Variants in MCF2L2 observed in about 807,000 individuals in gnomAD.
The protein encoded by MCF2L2 is probable guanine nucleotide exchange factor MCF2L2.
Under a neutral mutation model 150.2 loss-of-function variants are expected in MCF2L2, and 102 were observed. The observed-to-expected ratio is 0.68, with a 90% CI of 0.58 to 0.80. MCF2L2 has a LOEUF of 0.80. Ranked by LOEUF, MCF2L2 falls within the 30% of genes least tolerant of loss-of-function variation. The probability of loss-of-function intolerance (pLI) is 0.00; values close to 1 mark genes in which losing one functional copy is unlikely to be tolerated. For synonymous variants in MCF2L2, 465 were observed against 491.3 expected, an observed-to-expected ratio of 0.95 and a Z score of 0.71; for missense variants, 1,256 against 1,372.8, an observed-to-expected ratio of 0.91 and a Z score of 1.34.
intron 14 of MCF2L2, among the ~76,000 whole-genome samples, chr3:183,282,860 G>T (rs945415894): frequency 6.6e-6 from 1 of 152,196 alleles, no homozygotes; most frequent in African/African-American, 2.4e-5. Flanking sequence ...GTTGACTATC[G>T]TAGCATCAAT....
At chr3:183,228,745 A>G (rs1446922029) in intron 17 of MCF2L2, among the ~76,000 whole-genome samples, 1 of 152,202 alleles carries the variant, frequency 6.6e-6, no homozygotes, top group Non-Finnish European at 1.5e-5. Flanking sequence ...CACTAGTCAT[A>G]GATAGACTGG....
At chr3:183,309,945 T>A (rs913813803) in intron 9 of MCF2L2, 110 bp from the exon 10 acceptor site, 9 of 1,293,226 alleles carry the variant, frequency 7.0e-6, no homozygotes, top group Non-Finnish European at 8.4e-6. Flanking sequence ...ATTCAAGACT[T>A]GTATATATCT....
chr3:183,272,770 C>A, intron 15 of MCF2L2: 4 of 1,102,542 alleles, frequency 3.6e-6, no homozygotes, highest in Non-Finnish European at 3.3e-6. Context: ...GATGTATTGC[C>A]TTTTGCCCAT....
At chr3:183,232,079 G>C (rs1378057208) in intron 15 of MCF2L2, among the ~76,000 whole-genome samples, 1 of 152,154 alleles carries the variant, frequency 6.6e-6, no homozygotes, top group Non-Finnish European at 1.5e-5. Context: ...GATCTATATG[G>C]GTCAAGTGGT....
chr3:183,361,123 G>GA (rs1560040395), intron 3 of MCF2L2, among the ~76,000 whole-genome samples: 1 of 86,802 alleles, frequency 1.2e-5, no homozygotes, highest in African/African-American at 1.0e-4. Context: ...AAAAGAAAAA[G>GA]AAAAGAAAAA....
At chr3:183,275,310 T>C (rs1259135437) in intron 15 of MCF2L2, among the ~76,000 whole-genome samples, 2 of 152,116 alleles carry the variant, frequency 1.3e-5, no homozygotes, top group African/African-American at 4.8e-5. Flanking sequence ...ACCAAGCAAA[T>C]TTGTTTAGTT....
intron 6 of MCF2L2, among the ~76,000 whole-genome samples, chr3:183,318,562 T>G (rs1168398476): frequency 6.6e-6 from 1 of 152,220 alleles, no homozygotes; most frequent in African/African-American, 2.4e-5. Flanking sequence ...GAAAATGCAC[T>G]GTCACACAGA....
Position 183,311,701 on chromosome 3 carries a change from A to C in MCF2L2, c.825T>G (p.Cys275Trp). The C allele has an allele frequency of 6.2e-7, 1 of 1,614,060 alleles. No homozygotes were observed. Among genetic ancestry groups the C allele is most frequent in the Non-Finnish European group, 8.5e-7 (1 of 1,179,966 alleles). Reference protein sequence around the residue: ...LSCIQEPATKCPNSKLNLNQL... With the variant: ...LSCIQEPATKWPNSKLNLNQL... ...GGTTGAGATTGAGTTTGCTGTTGGG[A>C]CATTTGGTTGCTGGTTCTTGGATGC... is the stretch of plus-strand genomic sequence containing the variant. Residue 275 changes from cysteine to tryptophan, a missense_variant, in exon 8 of 30, where the codon TGT becomes TGG. Transcript: ENST00000328913.
chr3:183,244,152 T>C (rs1724150635), intron 15 of MCF2L2, among the ~76,000 whole-genome samples: 1 of 150,414 alleles, frequency 6.6e-6, no homozygotes, highest in South Asian at 2.1e-4. Context: ...AAAAAAGAAA[T>C]CCATCCTTAA....
chr3:183,204,692 A>C (rs1365424621), intron 25 of MCF2L2, among the ~76,000 whole-genome samples: 1 of 152,308 alleles, frequency 6.6e-6, no homozygotes, highest in East Asian at 1.9e-4. Flanking sequence ...TTCATACAAA[A>C]ATCTGTACAA....
chr3:183,419,800 G>T (rs1335112171), intron 1 of MCF2L2, among the ~76,000 whole-genome samples: 1 of 152,218 alleles, frequency 6.6e-6, no homozygotes, highest in East Asian at 1.9e-4. Context: ...TTGAACCTGG[G>T]GGGCAGAGGT....
At chr3:183,360,907 T>C (rs890329432) in intron 3 of MCF2L2, among the ~76,000 whole-genome samples, 1 of 148,602 alleles carries the variant, frequency 6.7e-6, no homozygotes. Context: ...AGGCAGAGGT[T>C]GCAGTGAGCT....
At chr3:183,257,731 A>G (rs1375192804) in intron 15 of MCF2L2, among the ~76,000 whole-genome samples, 1 of 152,196 alleles carries the variant, frequency 6.6e-6, no homozygotes, top group African/African-American at 2.4e-5. Context: ...ACACTGGGTT[A>G]TATCGTCATC....
intron 26 of MCF2L2, among the ~76,000 whole-genome samples, chr3:183,194,359 G>C (rs2108636545): frequency 6.6e-6 from 1 of 152,336 alleles, no homozygotes; most frequent in South Asian, 2.1e-4. Context: ...CGCAGTAATA[G>C]ATGAGGCAAG....
chr3:183,344,144 C>A (rs1318414762), intron 3 of MCF2L2, among the ~76,000 whole-genome samples: 1 of 151,776 alleles, frequency 6.6e-6, no homozygotes, highest in East Asian at 1.9e-4. Context: ...CCACCACCCC[C>A]CCCAAAAAAA....
chr3:183,413,958 A>G (rs993835332), intron 1 of MCF2L2, among the ~76,000 whole-genome samples: 8 of 152,216 alleles, frequency 5.3e-5, no homozygotes, highest in African/African-American at 1.9e-4. Context: ...AAATCCACGT[A>G]TAAGTGGACC....
At chr3:183,268,322 A>G (rs1483364084) in intron 15 of MCF2L2, among the ~76,000 whole-genome samples, 1 of 152,216 alleles carries the variant, frequency 6.6e-6, no homozygotes, top group Non-Finnish European at 1.5e-5. Context: ...AGGAGTTAAA[A>G]GAGCTCAGTT....
chr3:183,424,624 G>C (rs1716067999), intron 1 of MCF2L2, among the ~76,000 whole-genome samples: 1 of 152,172 alleles, frequency 6.6e-6, no homozygotes, highest in Non-Finnish European at 1.5e-5. Flanking sequence ...GAATAACCCA[G>C]TAACCATAAT....
intron 15 of MCF2L2, chr3:183,253,748 G>T (rs1323803031): frequency 2.0e-5 from 3 of 152,430 alleles, no homozygotes; most frequent in African/African-American, 7.2e-5. Flanking sequence ...CGTTCCCTGG[G>T]CGTAGGGCCC....
Sources: gnomAD v4.1 joint callset for allele counts (sites outside exome capture counted in the v4.1 genomes callset) on GRCh38, gnomAD v4.1.1 for gene constraint, MANE v1.5 for transcripts, NCBI Gene and HGNC (gene_info 2026-07-23, HGNC 2026-07-21) for gene names.